SPATA6L: variants seen among roughly 807,000 people sequenced by gnomAD.
The protein encoded by SPATA6L is spermatogenesis associated 6 like, also known as spermatogenesis associated 6-like protein.
In SPATA6L, 68 loss-of-function variants were observed where a neutral mutation model predicts 49.2. The ratio of observed to expected loss-of-function variants is 1.38; its 90% CI spans 1.14 to 1.69. SPATA6L has a LOEUF of 1.69. Among genes scored for constraint, SPATA6L ranks in the 40% most tolerant of loss-of-function variants. SPATA6L has a pLI of 0.00. For missense variants in SPATA6L, 668 were observed against 464.3 expected, an observed-to-expected ratio of 1.44 and a Z score of -4.03; for synonymous variants, 198 against 165.7, an observed-to-expected ratio of 1.19 and a Z score of -1.50.
At chr9:4,626,715 T>C (rs1830417038) in intron 5 of SPATA6L, 2 of 454,766 alleles carry the variant, frequency 4.4e-6, no homozygotes, top group Admixed American at 3.8e-5. Context: ...CCCTGGCTGA[T>C]ATATCAGTTA....
chr9:4,590,923 T>G (rs1821863647), intron 13 of SPATA6L, among the ~76,000 whole-genome samples: 2 of 152,180 alleles, frequency 1.3e-5, no homozygotes, highest in African/African-American at 4.8e-5. Flanking sequence ...TTACCAAGTG[T>G]TAGCACAATG....
At chr9:4,611,898 C>A (rs916005603) in intron 9 of SPATA6L, among the ~76,000 whole-genome samples, 1 of 152,242 alleles carries the variant, frequency 6.6e-6, no homozygotes, top group Admixed American at 6.5e-5. Flanking sequence ...GGCTAACGTA[C>A]AACTGCATGA....
intron 3 of SPATA6L, among the ~76,000 whole-genome samples, chr9:4,649,419 G>A (rs1028725761): frequency 3.3e-5 from 5 of 152,182 alleles, no homozygotes; most frequent in African/African-American, 9.7e-5. Flanking sequence ...ATTATGGTCA[G>A]GCTCTAAATT....
In SPATA6L at chr9:4,628,786, TAA is replaced by T. The variant is rs567229941; in HGVS notation, c.429+303_429+304del. 1.1e-4 allele frequency: 27 copies of T among 238,596 alleles called. 1 individual carries two copies. The South Asian group carries it at 2.0e-3, about 18-fold the overall frequency. 14.8% of individuals were successfully genotyped at this position (238,596 alleles called of 1,614,324 possible). A position where few individuals can be genotyped will look rare whatever the true frequency, so the allele number is the denominator to read the frequency against. On this transcript the variant is annotated intron_variant, in intron 5 of 11. Transcript: ENST00000682582. ...AAACTGTTGTTCATAAGATCACAAG[TAA>T]ATGTCATAGAACAACAATAACAAAA...
intron 4 of SPATA6L, among the ~76,000 whole-genome samples, chr9:4,632,595 C>CA (rs58418814): frequency 0.26 from 31,785 of 120,370 alleles, 4,898 homozygotes; most frequent in African/African-American, 0.45. Flanking sequence ...GACTCCATCT[C>CA]AAAAAAAAAA....
At chr9:4,663,133 T>G (rs1457230959) in intron 1 of SPATA6L, 6 of 1,614,030 alleles carry the variant, frequency 3.7e-6, no homozygotes, top group Non-Finnish European at 5.1e-6. Context: ...AGGGTCATGC[T>G]GGGGCGGCAC....
intron 2 of SPATA6L, among the ~76,000 whole-genome samples, chr9:4,661,507 TA>T (rs906452710): frequency 1.9e-4 from 27 of 140,660 alleles, no homozygotes; most frequent in African/African-American, 5.9e-4. Context: ...CTAATTTCAT[TA>T]TTTTTTTTTC....
intron 9 of SPATA6L, among the ~76,000 whole-genome samples, chr9:4,609,819 T>A (rs1252450624): frequency 1.3e-5 from 2 of 151,064 alleles, no homozygotes; most frequent in Non-Finnish European, 2.9e-5. Flanking sequence ...GAGAAGGAAA[T>A]AAAGGGTATT....
intron 9 of SPATA6L, among the ~76,000 whole-genome samples, chr9:4,605,873 T>A (rs984028046): frequency 1.3e-5 from 2 of 152,098 alleles, no homozygotes; most frequent in Admixed American, 6.5e-5. Context: ...AGAGGACGGG[T>A]GATTTCTGCA....
downstream of SPATA6L, among the ~76,000 whole-genome samples, chr9:4,594,976 A>G (rs1284866527): frequency 3.3e-5 from 5 of 152,164 alleles, no homozygotes; most frequent in Non-Finnish European, 7.3e-5. Context: ...CTCCCTGGCC[A>G]AAAAGAGACC....
chr9:4,666,127 A>G, intron 1 of SPATA6L, 85 bp downstream of exon 1: 4 of 1,163,392 alleles, frequency 3.4e-6, no homozygotes, highest in Non-Finnish European at 5.2e-6. Flanking sequence ...TAAGTGGGGG[A>G]TGTGGGGGAG....
chr9:4,600,196 G>A lies in SPATA6L; in HGVS notation c.*615C>T, dbSNP rs10974639. 0.71 allele frequency among the ~76,000 whole-genome samples: 107,680 copies of A among 151,946 alleles called. 38,804 individuals are homozygous for A. Among genetic ancestry groups the A allele is most frequent in the Middle Eastern group, 0.81 (237 of 294 alleles). On this transcript the variant is annotated 3_prime_UTR_variant, in exon 12 of 12. Transcript: ENST00000682582. ...AAACAGAAGGAGCAGTTTAAACTAC[G>A]CTCCAGAGGAGCCAGCCTCCTCTTA...
intron 1 of SPATA6L, among the ~76,000 whole-genome samples, chr9:4,665,463 A>T (rs1007236580): frequency 1.3e-5 from 2 of 152,254 alleles, no homozygotes; most frequent in African/African-American, 4.8e-5. Context: ...ACCCACATGT[A>T]TGATGAAACC....
intron 3 of SPATA6L, among the ~76,000 whole-genome samples, chr9:4,655,308 T>G (rs1837872423): frequency 6.6e-6 from 1 of 152,184 alleles, no homozygotes; most frequent in Non-Finnish European, 1.5e-5. Flanking sequence ...TGTTGTATAA[T>G]CTCATTCATA....
intron 3 of SPATA6L, among the ~76,000 whole-genome samples, chr9:4,635,757 C>CATT (rs1174499173): frequency 4.6e-5 from 7 of 152,188 alleles, no homozygotes; most frequent in Non-Finnish European, 7.3e-5. Context: ...GTGGACATAG[C>CATT]ATTGTTCACA....
At chr9:4,633,482 A>C (rs1033317337) in intron 4 of SPATA6L, 1 of 157,142 alleles carries the variant, frequency 6.4e-6, no homozygotes, top group Non-Finnish European at 1.4e-5. Context: ...AAAAAAGATG[A>C]TATCTGCCAA....
chr9:4,609,497 A>C (rs1347461131), intron 9 of SPATA6L, among the ~76,000 whole-genome samples: 1 of 152,202 alleles, frequency 6.6e-6, no homozygotes, highest in Non-Finnish European at 1.5e-5. Context: ...CAATATACGC[A>C]AATCAATAAA....
At chr9:4,660,067 C>T (rs1284088875) in intron 2 of SPATA6L, among the ~76,000 whole-genome samples, 3 of 152,234 alleles carry the variant, frequency 2.0e-5, no homozygotes, top group African/African-American at 7.2e-5. Context: ...GACCTAAAAC[C>T]ATAAAAACCC....
At chr9:4,661,027 G>A (rs182493557) in intron 2 of SPATA6L, among the ~76,000 whole-genome samples, 1 of 152,084 alleles carries the variant, frequency 6.6e-6, no homozygotes, top group African/African-American at 2.4e-5. Flanking sequence ...ACAGGGGCCT[G>A]TCGTGGGGTG....
Sources: allele counts gnomAD v4.1 joint callset (sites outside exome capture counted in the v4.1 genomes callset), GRCh38; gene constraint gnomAD v4.1.1; transcripts MANE v1.5; gene names NCBI Gene and HGNC (gene_info 2026-07-23, HGNC 2026-07-21).